CLVS1: variants seen among roughly 807,000 people sequenced by gnomAD.
The protein encoded by CLVS1 is clavesin-1.
In CLVS1, 10 loss-of-function variants were observed where a neutral mutation model predicts 33.1. The observed-to-expected ratio is 0.30, with a 90% CI of 0.19 to 0.51. CLVS1 has a LOEUF of 0.51. Among genes scored for constraint, CLVS1 ranks in the 20% least tolerant of loss-of-function variants. The pLI, the probability that CLVS1 is intolerant of heterozygous loss-of-function variation, is 0.97. For missense variants in CLVS1, 343 were observed against 433.4 expected, an observed-to-expected ratio of 0.79 and a Z score of 1.85; for synonymous variants, 163 against 166.1, an observed-to-expected ratio of 0.98 and a Z score of 0.14.
chr8:61,011,967 G>A, the CLVS1 span, among the ~76,000 whole-genome samples: 12 of 152,328 alleles, frequency 7.9e-5, no homozygotes, highest in African/African-American at 2.2e-4. Flanking sequence ...CAAGCCTCAC[G>A]CCCATGCAGG....
intron 2 of CLVS1, among the ~76,000 whole-genome samples, chr8:61,240,894 G>GTTTTTTTTTTTTTT (rs549955338): frequency 4.6e-5 from 6 of 130,618 alleles, no homozygotes; most frequent in Admixed American, 7.5e-5. Flanking sequence ...TTTGCTGTAG[G>GTTTTTTTTTTTTTT]TTTTTTTTTT....
intron 5 of CLVS1, among the ~76,000 whole-genome samples, chr8:61,478,151 T>C (rs927377549): frequency 2.9e-4 from 44 of 152,214 alleles, no homozygotes; most frequent in Admixed American, 1.8e-3. Context: ...TAATCCTGAG[T>C]TCTAGTTTGA....
chr8:61,081,731 A>T (rs1805022624), intron 1 of CLVS1, among the ~76,000 whole-genome samples: 1 of 152,214 alleles, frequency 6.6e-6, no homozygotes, highest in Non-Finnish European at 1.5e-5. Context: ...CTGAAAATCA[A>T]CAACTCTTTC....
the CLVS1 span, among the ~76,000 whole-genome samples, chr8:60,993,109 G>A: frequency 6.6e-6 from 1 of 152,248 alleles, no homozygotes; most frequent in East Asian, 1.9e-4. Flanking sequence ...AGTGGGGCTT[G>A]TTCTTGCTTT....
At chr8:61,202,486 A>T (rs1472168370) in intron 2 of CLVS1, 13 of 900,640 alleles carry the variant, frequency 1.4e-5, no homozygotes, top group Admixed American at 3.4e-5. Flanking sequence ...GTCTTTAAGA[A>T]CGGTCAGTTT....
At chr8:61,247,305 A>C (rs1808834798) in intron 2 of CLVS1, among the ~76,000 whole-genome samples, 1 of 152,168 alleles carries the variant, frequency 6.6e-6, no homozygotes, top group African/African-American at 2.4e-5. Flanking sequence ...TCTTCTGGGT[A>C]TATATCCAGT....
At chr8:61,436,875 A>G (rs1816349103) in intron 3 of CLVS1, among the ~76,000 whole-genome samples, 1 of 152,186 alleles carries the variant, frequency 6.6e-6, no homozygotes, top group Non-Finnish European at 1.5e-5. Flanking sequence ...AAGGCATACA[A>G]ATTTACTAAC....
At chr8:61,179,100 C>A (rs1487177833) in intron 2 of CLVS1, among the ~76,000 whole-genome samples, 2 of 151,960 alleles carry the variant, frequency 1.3e-5, no homozygotes, top group Admixed American at 1.3e-4. Context: ...TTTTAGAAAC[C>A]CATCTCACAT....
At chr8:61,042,123 A>C in the CLVS1 span, among the ~76,000 whole-genome samples, 1 of 152,198 alleles carries the variant, frequency 6.6e-6, no homozygotes, top group African/African-American at 2.4e-5. Flanking sequence ...AAATAACCTT[A>C]AGGAGGCAAT....
chr8:61,136,141 A>G (rs1466493578), intron 2 of CLVS1, among the ~76,000 whole-genome samples: 3 of 152,222 alleles, frequency 2.0e-5, no homozygotes, highest in Non-Finnish European at 4.4e-5. Flanking sequence ...GATGTACACT[A>G]AGGTTTGAGA....
At chr8:61,457,170 CAG>C (rs1253875673) in intron 4 of CLVS1, among the ~76,000 whole-genome samples, 3 of 152,042 alleles carry the variant, frequency 2.0e-5, no homozygotes, top group Non-Finnish European at 4.4e-5. Flanking sequence ...CTCCTGACCT[CAG>C]GTGATCTGCC....
At chr8:61,244,184 AT>A (rs34240475) in intron 2 of CLVS1, among the ~76,000 whole-genome samples, 19 of 149,748 alleles carry the variant, frequency 1.3e-4, no homozygotes, top group East Asian at 5.9e-4. Context: ...AGGGCATTGC[AT>A]TTTTTTTTTA....
chr8:61,396,253 T>G (rs1160635097), intron 3 of CLVS1, among the ~76,000 whole-genome samples: 3 of 152,186 alleles, frequency 2.0e-5, no homozygotes, highest in African/African-American at 7.2e-5. Context: ...CATATTCCTC[T>G]TTCTAAAAAT....
the CLVS1 span, among the ~76,000 whole-genome samples, chr8:60,970,351 G>A: frequency 5.3e-5 from 8 of 152,290 alleles, no homozygotes; most frequent in African/African-American, 1.9e-4. Flanking sequence ...CTTCACTAAT[G>A]TCCTGGGAAT....
At chr8:61,125,781 T>C (rs752679094) in intron 1 of CLVS1, among the ~76,000 whole-genome samples, 2 of 152,196 alleles carry the variant, frequency 1.3e-5, no homozygotes, top group Non-Finnish European at 2.9e-5. Context: ...TATGCAAATA[T>C]ACCAGAGAGA....
At chr8:61,014,926 TAGA>T in the CLVS1 span, among the ~76,000 whole-genome samples, 1 of 152,252 alleles carries the variant, frequency 6.6e-6, no homozygotes. Context: ...AGTGCCTTTC[TAGA>T]AGAAGTAGCT....
chr8:61,342,710 G>A (rs188088345), intron 2 of CLVS1, among the ~76,000 whole-genome samples: 2 of 152,262 alleles, frequency 1.3e-5, no homozygotes, highest in Admixed American at 1.3e-4. Context: ...AAAGGCTGCC[G>A]TGCACATCAC....
chr8:61,028,757 A>G, the CLVS1 span, among the ~76,000 whole-genome samples: 1 of 152,180 alleles, frequency 6.6e-6, no homozygotes, highest in Non-Finnish European at 1.5e-5. Flanking sequence ...CAAGCAAACC[A>G]CTAGGACTCG....
At chr8:61,380,921 A>G (rs1437767624) in intron 3 of CLVS1, among the ~76,000 whole-genome samples, 1 of 152,156 alleles carries the variant, frequency 6.6e-6, no homozygotes, top group Non-Finnish European at 1.5e-5. Context: ...CAAGTGTTTC[A>G]CTTAGGAAGA....
Sources: gnomAD v4.1 joint callset for allele counts (sites outside exome capture counted in the v4.1 genomes callset) on GRCh38, gnomAD v4.1.1 for gene constraint, MANE v1.5 for transcripts, NCBI Gene and HGNC (gene_info 2026-07-23, HGNC 2026-07-21) for gene names.